The following THADA variants were observed in gnomAD, a reference collection of about 807,000 sequenced individuals.
THADA encodes tRNA (32-2'-O)-methyltransferase regulator THADA.
In THADA, 213 loss-of-function variants were observed where a neutral mutation model predicts 219.8. The observed-to-expected ratio is 0.97, with a 90% CI of 0.87 to 1.09. THADA has a LOEUF of 1.09. Ranked by LOEUF, THADA falls within the 50% of genes least tolerant of loss-of-function variation. THADA has a pLI of 0.00. For synonymous variants in THADA, 1,018 were observed against 828.9 expected, an observed-to-expected ratio of 1.23 and a Z score of -3.92; for missense variants, 2,956 against 2,311.3, an observed-to-expected ratio of 1.28 and a Z score of -5.72.
chr2:43,477,780 C>T (rs1318604525), intron 26 of THADA, among the ~76,000 whole-genome samples: 1 of 152,252 alleles, frequency 6.6e-6, no homozygotes, highest in African/African-American at 2.4e-5. Context: ...TGAATCCTTG[C>T]TCTAGGAATG....
At chr2:43,412,955 A>C (rs954765247) in intron 28 of THADA, among the ~76,000 whole-genome samples, 1 of 152,298 alleles carries the variant, frequency 6.6e-6, no homozygotes, top group East Asian at 1.9e-4. Context: ...TGAATGTCTC[A>C]TAACTACCTT....
At chr2:43,260,003 A>T (rs1670758763) in intron 36 of THADA, among the ~76,000 whole-genome samples, 2 of 152,014 alleles carry the variant, frequency 1.3e-5, no homozygotes, top group African/African-American at 4.8e-5. Flanking sequence ...TTTTCTTTTG[A>T]GATGGAGTCT....
chr2:43,387,248 C>A (rs763207749), intron 29 of THADA, among the ~76,000 whole-genome samples: 3 of 152,108 alleles, frequency 2.0e-5, no homozygotes, highest in Admixed American at 1.3e-4. Flanking sequence ...GAATGTTATG[C>A]TCTCTGACTC....
chr2:43,246,870 G>C (rs1669213128), intron 36 of THADA, among the ~76,000 whole-genome samples: 1 of 152,190 alleles, frequency 6.6e-6, no homozygotes, highest in South Asian at 2.1e-4. Context: ...CATGGCCCTA[G>C]GCTGACGCTG....
At chr2:43,233,511 T>C (rs1667682484) in intron 36 of THADA, 1 of 152,224 alleles carries the variant, frequency 6.6e-6, no homozygotes, top group Non-Finnish European at 1.5e-5. Flanking sequence ...ATTAAAAATG[T>C]AAAAACCATT....
intron 14 of THADA, among the ~76,000 whole-genome samples, chr2:43,569,859 A>G (rs1440220796): frequency 6.6e-6 from 1 of 152,218 alleles, no homozygotes; most frequent in African/African-American, 2.4e-5. Flanking sequence ...GCCCTGGCCC[A>G]GACTGGAGCT....
intron 36 of THADA, among the ~76,000 whole-genome samples, chr2:43,262,498 G>A (rs903349644): frequency 2.0e-5 from 3 of 152,174 alleles, no homozygotes; most frequent in Admixed American, 1.3e-4. Flanking sequence ...GGAATGGACT[G>A]CAGTCACTTG....
chr2:43,382,665 A>G (rs1672182035), intron 29 of THADA, among the ~76,000 whole-genome samples: 1 of 152,232 alleles, frequency 6.6e-6, no homozygotes, highest in Non-Finnish European at 1.5e-5. Context: ...CATAACAATC[A>G]TAAAGATTCT....
intron 29 of THADA, among the ~76,000 whole-genome samples, chr2:43,348,240 T>C (rs748277032): frequency 2.0e-5 from 3 of 152,244 alleles, no homozygotes; most frequent in Non-Finnish European, 4.4e-5. Context: ...AACAGTCACC[T>C]GGCCGGAGCT....
intron 36 of THADA, among the ~76,000 whole-genome samples, chr2:43,244,391 G>C (rs1229777900): frequency 6.6e-6 from 1 of 152,192 alleles, no homozygotes; most frequent in Non-Finnish European, 1.5e-5. Flanking sequence ...AAAAAGACGT[G>C]GTTCTCCAGG....
intron 26 of THADA, among the ~76,000 whole-genome samples, chr2:43,483,372 G>T (rs1302734612): frequency 6.6e-6 from 1 of 152,138 alleles, no homozygotes; most frequent in Admixed American, 6.6e-5. Context: ...ACCATCACAA[G>T]CAACTGCAAA....
intron 26 of THADA, among the ~76,000 whole-genome samples, chr2:43,455,645 G>A (rs1443158574): frequency 6.6e-6 from 1 of 152,164 alleles, no homozygotes; most frequent in Non-Finnish European, 1.5e-5. Context: ...CTAACAAGAA[G>A]ACACAAGAGA....
At chr2:43,332,262 C>A (rs970255795) in intron 30 of THADA, among the ~76,000 whole-genome samples, 6 of 152,150 alleles carry the variant, frequency 3.9e-5, no homozygotes, top group Non-Finnish European at 5.9e-5. Context: ...TTAACCTTAT[C>A]TAATAATTAA....
chr2:43,447,647 G>C (rs1047013894), intron 26 of THADA, among the ~76,000 whole-genome samples: 1 of 152,072 alleles, frequency 6.6e-6, no homozygotes, highest in Non-Finnish European at 1.5e-5. Flanking sequence ...CAGAGTCAAG[G>C]AACCCAGGGA....
intron 30 of THADA, among the ~76,000 whole-genome samples, chr2:43,323,367 A>T (rs927344355): frequency 1.5e-4 from 23 of 152,106 alleles, no homozygotes; most frequent in African/African-American, 5.6e-4. Flanking sequence ...CTGGGGTTCT[A>T]CTTTTTAACC....
chr2:43,450,198 T>G (rs1332565826), intron 26 of THADA, among the ~76,000 whole-genome samples: 1 of 152,206 alleles, frequency 6.6e-6, no homozygotes, highest in Non-Finnish European at 1.5e-5. Context: ...GAGACTAGCA[T>G]ATTTTTAAAA....
At chr2:43,518,922 C>A in intron 22 of THADA, among the ~76,000 whole-genome samples, 1 of 152,088 alleles carries the variant, frequency 6.6e-6, no homozygotes, top group East Asian at 1.9e-4. Context: ...CTCTGCTAAT[C>A]TCCTGACCTG....
At chr2:43,313,717 G>C (rs1216528329) in intron 31 of THADA, among the ~76,000 whole-genome samples, 1 of 152,210 alleles carries the variant, frequency 6.6e-6, no homozygotes, top group South Asian at 2.1e-4. Flanking sequence ...GGAAGCTCCT[G>C]AAAAGGGGGT....
At chr2:43,528,549 CT>C (rs1437151420) in intron 21 of THADA, among the ~76,000 whole-genome samples, 1 of 152,094 alleles carries the variant, frequency 6.6e-6, no homozygotes, top group Non-Finnish European at 1.5e-5. Flanking sequence ...GGCTAAGAAA[CT>C]TATCCAAGGT....
Sources: allele counts gnomAD v4.1 joint callset (sites outside exome capture counted in the v4.1 genomes callset), GRCh38; gene constraint gnomAD v4.1.1; transcripts MANE v1.5; gene names NCBI Gene and HGNC (gene_info 2026-07-23, HGNC 2026-07-21).